The following CNTN3 variants were observed in gnomAD, a reference collection of about 807,000 sequenced individuals.
CNTN3 encodes contactin-3.
A neutral mutation model predicts 119.1 loss-of-function variants in CNTN3; 60 were observed. The ratio of observed to expected loss-of-function variants is 0.50; its 90% CI spans 0.41 to 0.62. The LOEUF is 0.62. Among genes scored for constraint, CNTN3 ranks in the 20% least tolerant of loss-of-function variants. The probability of loss-of-function intolerance (pLI) is 0.00; values close to 1 mark genes in which losing one functional copy is unlikely to be tolerated. For synonymous variants in CNTN3, 450 were observed against 438.7 expected (o/e 1.03, Z -0.32); for missense variants, 1,101 against 1,242.4 (o/e 0.89, Z 1.71).
intron 1 of CNTN3, among the ~76,000 whole-genome samples, chr3:74,558,982 C>CAAT (rs60508507): frequency 0.14 from 20,189 of 143,026 alleles, 1,524 homozygotes; most frequent in East Asian, 0.3. Flanking sequence ...GACCCTGTCT[C>CAAT]AATAATAATA....
At chr3:74,567,399 A>T (rs1704244685) in intron 1 of CNTN3, among the ~76,000 whole-genome samples, 1 of 135,042 alleles carries the variant, frequency 7.4e-6, no homozygotes, top group Admixed American at 8.9e-5. Flanking sequence ...GGCGCAAGTG[A>T]TCCTCCCACC....
intron 2 of CNTN3, among the ~76,000 whole-genome samples, chr3:74,518,088 G>T (rs1359028801): frequency 6.6e-6 from 1 of 151,826 alleles, no homozygotes; most frequent in Non-Finnish European, 1.5e-5. Flanking sequence ...ATAAAATTGT[G>T]GGTTGTATTT....
intron 5 of CNTN3, among the ~76,000 whole-genome samples, chr3:74,417,318 C>T (rs755426415): frequency 3.3e-5 from 5 of 152,088 alleles, no homozygotes; most frequent in East Asian, 1.9e-4. Flanking sequence ...GGAGTGGTTT[C>T]GGGCAGTATT....
At chr3:74,536,587 T>C (rs986304336) in intron 1 of CNTN3, among the ~76,000 whole-genome samples, 1 of 152,108 alleles carries the variant, frequency 6.6e-6, no homozygotes, top group Non-Finnish European at 1.5e-5. Context: ...GAACTCTGCC[T>C]GGACGAATAC....
At chr3:74,336,225 C>T (rs547804828) in intron 12 of CNTN3, among the ~76,000 whole-genome samples, 1 of 151,932 alleles carries the variant, frequency 6.6e-6, no homozygotes, top group South Asian at 2.1e-4. Context: ...CAAAGTGTAT[C>T]CTAAAGACCT....
chr3:74,511,496 A>G (rs1280035529), intron 2 of CNTN3, among the ~76,000 whole-genome samples: 3 of 151,992 alleles, frequency 2.0e-5, no homozygotes, highest in Admixed American at 2.0e-4. Context: ...CATCTCTACA[A>G]GAAGTAAGAT....
chr3:74,471,310 T>G (rs1412152205), intron 4 of CNTN3, among the ~76,000 whole-genome samples: 1 of 152,094 alleles, frequency 6.6e-6, no homozygotes, highest in Non-Finnish European at 1.5e-5. Flanking sequence ...ATACTGCATG[T>G]TCTTCACAGG....
At chr3:74,360,228 A>G (rs1704046854) in intron 11 of CNTN3, among the ~76,000 whole-genome samples, 1 of 152,212 alleles carries the variant, frequency 6.6e-6, no homozygotes, top group Admixed American at 6.5e-5. Context: ...TTAGAAAAGC[A>G]AATCCACATT....
chr3:74,491,313 C>T lies in CNTN3; in HGVS notation c.183-4682G>A, dbSNP rs192510112. ...GCCAGTAGTTTGAGACCAGCCTGGGCAACACGGAGAAACCATCTTTACAAA... is the reference window on the plus strand; with the variant it reads ...GCCAGTAGTTTGAGACCAGCCTGGGTAACACGGAGAAACCATCTTTACAAA... On this transcript the variant is annotated intron_variant, in intron 3 of 22. Coordinates refer to ENST00000263665, the MANE Select transcript of CNTN3 (RefSeq NM_020872.3). Among the ~76,000 whole-genome samples the T allele has an allele frequency of 9.0e-4, 134 of 149,438 alleles. 1 individual carries two copies. The South Asian group carries it at 0.011, about 13-fold the overall frequency.
intron 1 of CNTN3, among the ~76,000 whole-genome samples, chr3:74,555,151 T>C (rs1704050366): frequency 6.6e-6 from 1 of 152,262 alleles, no homozygotes; most frequent in Admixed American, 6.5e-5. Flanking sequence ...AAAGGCCTTT[T>C]CTGCATCTAT....
chr3:74,587,064 G>C (rs1479370102), intron 1 of CNTN3, among the ~76,000 whole-genome samples: 1 of 151,918 alleles, frequency 6.6e-6, no homozygotes, highest in African/African-American at 2.4e-5. Flanking sequence ...TCCAAACCCA[G>C]TCAAAAAGAA....
intron 13 of CNTN3, among the ~76,000 whole-genome samples, chr3:74,309,507 A>C (rs1702635543): frequency 6.6e-6 from 1 of 152,176 alleles, no homozygotes; most frequent in African/African-American, 2.4e-5. Context: ...TAAACCCATT[A>C]GTTCTCAGTG....
In CNTN3 at chr3:74,446,601, T is replaced by A. The variant is rs1268998030; in HGVS notation, c.359-21661A>T. On this transcript the variant is annotated intron_variant, in intron 4 of 22. Transcript: ENST00000263665. ...TCAAAGACTTAGTACAGAAAAAAAATTCTGTGAATAATTTTTATATTGATT... is the reference window on the plus strand; with the variant it reads ...TCAAAGACTTAGTACAGAAAAAAAAATCTGTGAATAATTTTTATATTGATT... 3.9e-5 allele frequency among the ~76,000 whole-genome samples: 6 copies of A among 152,120 alleles called. No individual in the cohort carries two copies. The East Asian group carries it at 5.8e-4, about 15-fold the overall frequency.
intron 1 of CNTN3, among the ~76,000 whole-genome samples, chr3:74,592,893 A>T (rs1250926737): frequency 6.6e-6 from 1 of 152,008 alleles, no homozygotes; most frequent in Non-Finnish European, 1.5e-5. Context: ...AGTGAAATTC[A>T]CTAATTCAGC....
chr3:74,357,961 C>A (rs1209632189), intron 11 of CNTN3, among the ~76,000 whole-genome samples: 1 of 151,406 alleles, frequency 6.6e-6, no homozygotes, highest in Non-Finnish European at 1.5e-5. Context: ...ATGTGTTTTT[C>A]TGATTTGGCT....
At chr3:74,489,228 T>C (rs1702916932) in intron 3 of CNTN3, among the ~76,000 whole-genome samples, 1 of 152,126 alleles carries the variant, frequency 6.6e-6, no homozygotes, top group African/African-American at 2.4e-5. Context: ...ATCTGCATCT[T>C]AAGATTTCCC....
intron 1 of CNTN3, among the ~76,000 whole-genome samples, chr3:74,594,675 T>C (rs77550624): frequency 0.21 from 32,467 of 151,750 alleles, 5,303 homozygotes; most frequent in African/African-American, 0.45. Flanking sequence ...ATGTGCCACA[T>C]TTTCTTAATC....
chr3:74,266,793 T>C (rs1701669764), intron 21 of CNTN3, 144 bp from the exon 22 acceptor site: 1 of 716,610 alleles, frequency 1.4e-6, no homozygotes, highest in African/African-American at 1.8e-5. Context: ...ATTGTAAGTC[T>C]TAGATTAGAG....
intron 1 of CNTN3, among the ~76,000 whole-genome samples, chr3:74,573,105 G>A (rs1704360603): frequency 6.6e-6 from 1 of 152,176 alleles, no homozygotes; most frequent in African/African-American, 2.4e-5. Context: ...GCCCAGAGCT[G>A]CATGCTCAGA....
Sources: allele counts gnomAD v4.1 joint callset (sites outside exome capture counted in the v4.1 genomes callset), GRCh38; gene constraint gnomAD v4.1.1; transcripts MANE v1.5; gene names NCBI Gene and HGNC (gene_info 2026-07-23, HGNC 2026-07-21).